The following THSD4 variants were observed in gnomAD, a reference collection of about 807,000 sequenced individuals.
The protein encoded by THSD4 is thrombospondin type 1 domain containing 4.
In THSD4, 69 loss-of-function variants were observed where a neutral mutation model predicts 119.0. That is an observed-to-expected ratio of 0.58 (90% CI 0.48 to 0.71). THSD4 has a LOEUF of 0.71. THSD4 is among the 30% of genes least tolerant of loss of function. The pLI is 0.00. For missense variants in THSD4, 1,393 were observed against 1,391.1 expected (o/e 1.00, Z -0.02); for synonymous variants, 524 against 540.4 (o/e 0.97, Z 0.42).
chr15:71,694,109 T>C (rs2052113385), intron 8 of THSD4, among the ~76,000 whole-genome samples: 1 of 152,046 alleles, frequency 6.6e-6, no homozygotes, highest in African/African-American at 2.4e-5. Context: ...CAGATGAAGG[T>C]GGACCCTTTG....
chr15:71,700,247 G>A (rs944419409), intron 8 of THSD4, among the ~76,000 whole-genome samples: 1 of 152,080 alleles, frequency 6.6e-6, no homozygotes, highest in Non-Finnish European at 1.5e-5. Context: ...ACACTGTCCA[G>A]ATCAAGTAAA....
At chr15:71,442,291 G>A (rs967731919) in intron 7 of THSD4, among the ~76,000 whole-genome samples, 15 of 151,580 alleles carry the variant, frequency 9.9e-5, no homozygotes, top group Non-Finnish European at 5.9e-5. Flanking sequence ...AGATGAGGCC[G>A]AGTGCAGTGG....
intron 7 of THSD4, among the ~76,000 whole-genome samples, chr15:71,501,426 T>A (rs1381450491): frequency 6.6e-6 from 1 of 152,194 alleles, no homozygotes; most frequent in Non-Finnish European, 1.5e-5. Flanking sequence ...TCAAGTGGGT[T>A]TATCTGATTT....
At chr15:71,695,669 C>G (rs2052151389) in intron 8 of THSD4, among the ~76,000 whole-genome samples, 1 of 152,060 alleles carries the variant, frequency 6.6e-6, no homozygotes, top group African/African-American at 2.4e-5. Context: ...TGAGTCCCAA[C>G]CAACCCAGGG....
chr15:71,332,853 A>C (rs1050618555), intron 6 of THSD4, among the ~76,000 whole-genome samples: 5 of 147,918 alleles, frequency 3.4e-5, no homozygotes, highest in Non-Finnish European at 7.5e-5. Flanking sequence ...GACGGAATGT[A>C]AATTTGTAAA....
intron 7 of THSD4, among the ~76,000 whole-genome samples, chr15:71,615,682 T>G (rs2050308234): frequency 1.3e-5 from 2 of 152,188 alleles, no homozygotes; most frequent in Admixed American, 1.3e-4. Flanking sequence ...CTGTTTCCTC[T>G]TGTATTCTGT....
chr15:71,775,418 C>A (rs1422574038), intron 17 of THSD4, among the ~76,000 whole-genome samples: 1 of 151,896 alleles, frequency 6.6e-6, no homozygotes, highest in Non-Finnish European at 1.5e-5. Context: ...AATCTGACAA[C>A]CTGTGTCTAA....
intron 4 of THSD4, among the ~76,000 whole-genome samples, chr15:71,227,608 A>AT (rs1277579576): frequency 6.6e-6 from 1 of 152,174 alleles, no homozygotes; most frequent in Admixed American, 6.5e-5. Flanking sequence ...GACATGTACT[A>AT]TTTGAGCCTC....
At chr15:71,217,464 C>T (rs1316707381) in intron 4 of THSD4, among the ~76,000 whole-genome samples, 2 of 151,852 alleles carry the variant, frequency 1.3e-5, no homozygotes, top group Non-Finnish European at 2.9e-5. Context: ...TAAAAATACA[C>T]ACACAAAAAT....
intron 7 of THSD4, among the ~76,000 whole-genome samples, chr15:71,412,235 C>T (rs1020510710): frequency 9.9e-5 from 15 of 152,154 alleles, no homozygotes; most frequent in Non-Finnish European, 1.6e-4. Context: ...TTGCCTCTCC[C>T]CAGAAGGGGC....
chr15:71,315,550 A>G (rs551759641), intron 6 of THSD4, among the ~76,000 whole-genome samples: 7 of 152,360 alleles, frequency 4.6e-5, no homozygotes, highest in African/African-American at 7.2e-5. Flanking sequence ...ATAGGAGGTC[A>G]GCTGTGTCCT....
At chr15:71,313,907 G>A (rs1429474145) in intron 6 of THSD4, among the ~76,000 whole-genome samples, 1 of 152,134 alleles carries the variant, frequency 6.6e-6, no homozygotes, top group Admixed American at 6.5e-5. Flanking sequence ...AACACAGCAT[G>A]GGCTCCTACT....
intron 7 of THSD4, among the ~76,000 whole-genome samples, chr15:71,518,491 A>G (rs2048392866): frequency 6.6e-6 from 1 of 152,198 alleles, no homozygotes; most frequent in African/African-American, 2.4e-5. Context: ...AAAGAGAAAG[A>G]GATCCAAGTT....
At chr15:71,537,835 G>A (rs1011672092) in intron 7 of THSD4, among the ~76,000 whole-genome samples, 3 of 151,664 alleles carry the variant, frequency 2.0e-5, no homozygotes, top group African/African-American at 4.8e-5. Context: ...ACGTGTTCTC[G>A]ACTCACTGCA....
In THSD4 at chr15:71,772,609, C is replaced by T. The variant is rs1203672707; in HGVS notation, c.2914+1401C>T. Among the ~76,000 whole-genome samples the T allele has an allele frequency of 2.6e-5, 4 of 152,148 alleles. 1 individual carries two copies. The highest frequency in any genetic ancestry group is 5.9e-5 in the Non-Finnish European group (4 of 68,024). ...TATTATAAAGCTACAGAAACTAAAACTATTAGGTTGGTGCAAAAGTAATTG... is the reference window on the plus strand; with the variant it reads ...TATTATAAAGCTACAGAAACTAAAATTATTAGGTTGGTGCAAAAGTAATTG... On this transcript the variant is annotated intron_variant, in intron 17 of 17. Coordinates refer to ENST00000261862, the MANE Select transcript of THSD4 (RefSeq NM_024817.3).
intron 3 of THSD4, among the ~76,000 whole-genome samples, chr15:71,199,679 T>TGTGTGTGTG (rs1596264759): frequency 4.5e-3 from 298 of 65,666 alleles, no homozygotes; most frequent in Middle Eastern, 0.017. Context: ...GTGGAGGGTG[T>TGTGTGTGTG]GTGTGTGTGT....
At chr15:71,401,684 A>G (rs568000757) in intron 6 of THSD4, among the ~76,000 whole-genome samples, 18 of 152,306 alleles carry the variant, frequency 1.2e-4, no homozygotes, top group Non-Finnish European at 2.1e-4. Context: ...CATTGTGGAA[A>G]ACAGTGTGGC....
intron 7 of THSD4, among the ~76,000 whole-genome samples, chr15:71,444,663 C>T (rs894144): frequency 0.53 from 80,018 of 151,866 alleles, 21,657 homozygotes; most frequent in Middle Eastern, 0.62. Flanking sequence ...GACACCTCCA[C>T]TCAATGAGTC....
chr15:71,413,869 C>T (rs1313877042), intron 7 of THSD4, among the ~76,000 whole-genome samples: 1 of 152,240 alleles, frequency 6.6e-6, no homozygotes, highest in East Asian at 1.9e-4. Context: ...TAAGGGCATT[C>T]TCTGAGAGTT....
Sources: allele counts gnomAD v4.1 joint callset (sites outside exome capture counted in the v4.1 genomes callset), GRCh38; gene constraint gnomAD v4.1.1; transcripts MANE v1.5; gene names NCBI Gene and HGNC (gene_info 2026-07-23, HGNC 2026-07-21).